Variants in ANKS1A observed in about 807,000 individuals in gnomAD.
ANKS1A encodes the protein ankyrin repeat and sterile alpha motif domain containing 1A.
In ANKS1A, 55 loss-of-function variants were observed where a neutral mutation model predicts 120.3. The ratio of observed to expected loss-of-function variants is 0.46; its 90% confidence interval spans 0.37 to 0.57. The LOEUF (loss-of-function observed/expected upper bound fraction) is 0.57. Ranked by LOEUF, ANKS1A falls within the 20% of genes least tolerant of loss-of-function variation. The probability of loss-of-function intolerance (pLI) is 0.00; values close to 1 mark genes in which losing one functional copy is unlikely to be tolerated. For missense variants in ANKS1A, 1,123 were observed against 1,480.3 expected, an observed-to-expected ratio of 0.76 and a Z score of 3.96; for synonymous variants, 590 against 604.7, an observed-to-expected ratio of 0.98 and a Z score of 0.36.
intron 3 of ANKS1A, among the ~76,000 whole-genome samples, chr6:34,975,425 G>T (rs896727724): frequency 1.2e-4 from 18 of 149,508 alleles, no homozygotes; most frequent in Admixed American, 1.0e-3. Flanking sequence ...CTGCACTCCA[G>T]CCTGGGCAAC....
intron 23 of ANKS1A, among the ~76,000 whole-genome samples, chr6:35,087,768 T>C (rs1778072628): frequency 1.3e-5 from 2 of 152,236 alleles, no homozygotes; most frequent in African/African-American, 4.8e-5. Flanking sequence ...ACTGCCCCAC[T>C]TGGGGCTCTG....
At chr6:34,959,078 C>A (rs1201801783) in intron 1 of ANKS1A, among the ~76,000 whole-genome samples, 1 of 152,210 alleles carries the variant, frequency 6.6e-6, no homozygotes. Context: ...AGCTGGGCTA[C>A]CACATGAATC....
Position 35,089,915 on chromosome 6 carries a change from A to G in ANKS1A, c.*1306A>G, listed in dbSNP as rs1318637040. 8.6e-7 allele frequency: 1 copy of G among 1,157,394 alleles called. No homozygotes were observed. The highest frequency in any genetic ancestry group is 1.1e-6 in the Non-Finnish European group (1 of 925,722). The allele number at this position is 1,157,394 out of a possible 1,614,324, so 71.7% of individuals were successfully genotyped here. A position where few individuals can be genotyped will look rare whatever the true frequency, so the allele number is the denominator to read the frequency against. On this transcript the variant is annotated 3_prime_UTR_variant, in exon 24 of 24. Coordinates refer to ENST00000360359, the MANE Select transcript of ANKS1A (RefSeq NM_015245.3). ...GGTCAATCAGGTCCCAGGATGAATA[A>G]TCCAGGCTTCAGCAACACTCCTCTT... is the stretch of plus-strand genomic sequence containing the variant.
In ANKS1A at chr6:35,082,802, G is replaced by A; in HGVS notation, c.2821G>A (p.Gly941Ser). The change falls in exon 18 of 24, where the codon GGT becomes AGT. Residue 941 changes from glycine to serine, a missense_variant. By Grantham distance (56) the Gly-to-Ser change is moderately conservative. Coordinates refer to ENST00000360359, the MANE Select transcript of ANKS1A (RefSeq NM_015245.3). The surrounding 1 kb of genome is among the most constrained non-coding windows in gnomAD (Gnocchi z 4.1). ...QPEKLIFESC[G>S]YEANYLGSML... ...AGAGAAACTCATCTTCGAGTCCTGT[G>A]GTTATGAAGCCAATGTGAGTTGCTC... 1 of 1,613,738 alleles carries A rather than the reference G, an allele frequency of 6.2e-7. No individual in the cohort carries two copies.
chr6:35,014,945 G>A (rs1773927273), intron 10 of ANKS1A, among the ~76,000 whole-genome samples: 1 of 152,198 alleles, frequency 6.6e-6, no homozygotes, highest in South Asian at 2.1e-4. Context: ...CATCCTCACT[G>A]TAGCCCCACC....
intron 13 of ANKS1A, among the ~76,000 whole-genome samples, chr6:35,062,739 C>G (rs1318653365): frequency 6.6e-6 from 1 of 152,198 alleles, no homozygotes; most frequent in Admixed American, 6.5e-5. Flanking sequence ...GCCATGTGGT[C>G]TGATCGCCCT....
At chr6:34,951,560 A>T (rs1770093174) in intron 1 of ANKS1A, among the ~76,000 whole-genome samples, 2 of 152,144 alleles carry the variant, frequency 1.3e-5, no homozygotes, top group Non-Finnish European at 2.9e-5. Context: ...GTGCTTTGGG[A>T]CTTTTAGGAA....
chr6:34,959,732 C>T (rs553111580), intron 1 of ANKS1A, among the ~76,000 whole-genome samples: 1 of 152,290 alleles, frequency 6.6e-6, no homozygotes, highest in East Asian at 1.9e-4. Context: ...TTCACAGAGA[C>T]TTTAAGCAAT....
At chr6:34,943,420 A>G (rs1235912408) in intron 1 of ANKS1A, among the ~76,000 whole-genome samples, 1 of 152,214 alleles carries the variant, frequency 6.6e-6, no homozygotes, top group African/African-American at 2.4e-5. Context: ...TGATGAGCCA[A>G]TATTGATACG....
chr6:35,073,635 C>A (rs1161168102), intron 13 of ANKS1A, among the ~76,000 whole-genome samples: 3 of 152,220 alleles, frequency 2.0e-5, no homozygotes, highest in East Asian at 3.8e-4. Context: ...CTGAGACAAT[C>A]CCTGTTAACT....
intron 1 of ANKS1A, among the ~76,000 whole-genome samples, chr6:34,955,613 C>G (rs974603455): frequency 6.6e-6 from 1 of 152,116 alleles, no homozygotes; most frequent in African/African-American, 2.4e-5. Flanking sequence ...TCTAGGCCTG[C>G]TGTGTAGCTG....
chr6:34,974,300 C>T (rs1581578512), intron 3 of ANKS1A, among the ~76,000 whole-genome samples: 1 of 51,836 alleles, frequency 1.9e-5, no homozygotes, highest in Non-Finnish European at 3.8e-5. Context: ...TTCCCTTCCC[C>T]TTCCCTTTCC....
chr6:35,051,995 AG>A (rs1775993389), intron 11 of ANKS1A, among the ~76,000 whole-genome samples: 2 of 152,290 alleles, frequency 1.3e-5, no homozygotes, highest in South Asian at 4.1e-4. Flanking sequence ...GGACAAAGGC[AG>A]TATCATCCTC....
chr6:34,938,711 C>T (rs376325336), intron 1 of ANKS1A, among the ~76,000 whole-genome samples: 26 of 152,278 alleles, frequency 1.7e-4, no homozygotes, highest in Non-Finnish European at 3.2e-4. Flanking sequence ...ATTTCTGGGC[C>T]GGGCATGGTG....
intron 13 of ANKS1A, among the ~76,000 whole-genome samples, chr6:35,061,377 C>T (rs1000756345): frequency 1.3e-5 from 2 of 152,244 alleles, no homozygotes; most frequent in Non-Finnish European, 1.5e-5. Flanking sequence ...CCACCCGCTC[C>T]GAGGGGATCT....
At position 35,088,867 on chromosome 6, in the gene ANKS1A, A is replaced by AG; in HGVS notation, c.*259dup. The stretch of plus-strand genomic sequence containing the variant: ...CAGAGGGTCAAGAAGTGACTTGTTC[A>AG]GAACACATTGTTTTTAACAGAAAAA... On this transcript the variant is annotated 3_prime_UTR_variant, in exon 24 of 24. Coordinates refer to ENST00000360359, the MANE Select transcript of ANKS1A (RefSeq NM_015245.3). 2 of 1,431,398 alleles carry AG rather than the reference A, an allele frequency of 1.4e-6. No individual in the cohort carries two copies. The highest frequency in any genetic ancestry group is 1.8e-6 in the Non-Finnish European group (2 of 1,097,420). 88.7% of individuals were successfully genotyped at this position (1,431,398 alleles called of 1,614,324 possible). A position where few individuals can be genotyped will look rare whatever the true frequency, so the allele number is the denominator to read the frequency against.
chr6:34,960,171 G>A (rs1030959988), intron 1 of ANKS1A, among the ~76,000 whole-genome samples: 2 of 152,022 alleles, frequency 1.3e-5, no homozygotes, highest in Non-Finnish European at 2.9e-5. Context: ...CCCCCTCACG[G>A]CTCTTTACTT....
intron 1 of ANKS1A, among the ~76,000 whole-genome samples, chr6:34,946,878 A>T (rs1395288436): frequency 6.6e-6 from 1 of 152,226 alleles, no homozygotes; most frequent in Non-Finnish European, 1.5e-5. Flanking sequence ...ACAGTTAGTT[A>T]AATCTAGCAG....
Position 35,044,114 on chromosome 6 carries a change from A to G in ANKS1A, c.2011-9985A>G, listed in dbSNP as rs139701492. Among the ~76,000 whole-genome samples, 180 of 152,318 alleles carry G rather than the reference A, an allele frequency of 1.2e-3. No individual in the cohort carries two copies. The highest frequency in any genetic ancestry group is 4.3e-3 in the African/African-American group (177 of 41,560). On this transcript the variant is annotated intron_variant, in intron 11 of 23. Coordinates refer to ENST00000360359, the MANE Select transcript of ANKS1A (RefSeq NM_015245.3). The surrounding 1 kb of genome is among the most constrained non-coding windows in gnomAD (Gnocchi z 4.4). ...ACCATCCTAAGCAGTTTTGGAAATG[A>G]CCCCAGCTGACTCTTGGTAAGGGTA...
Sources: gnomAD v4.1 joint callset for allele counts (sites outside exome capture counted in the v4.1 genomes callset) on GRCh38, gnomAD v4.1.1 for gene constraint, Gnocchi (gnomAD v3.1) non-coding constraint, MANE v1.5 for transcripts, NCBI Gene and HGNC (gene_info 2026-07-23, HGNC 2026-07-21) for gene names.